FOXJ3: variants seen among roughly 807,000 people sequenced by gnomAD.
FOXJ3 encodes forkhead box protein J3.
In FOXJ3, 22 loss-of-function variants were observed where a neutral mutation model predicts 76.1. The observed-to-expected ratio is 0.29, with a 90% confidence interval of 0.21 to 0.41. The LOEUF is 0.41. Ranked by LOEUF, FOXJ3 falls within the 10% of genes least tolerant of loss-of-function variation. The pLI, the probability that FOXJ3 is intolerant of heterozygous loss-of-function variation, is 1.00. For missense variants in FOXJ3, 613 were observed against 762.1 expected (o/e 0.80, Z 2.30); for synonymous variants, 269 against 261.2 (o/e 1.03, Z -0.29).
intron 2 of FOXJ3, among the ~76,000 whole-genome samples, chr1:42,305,634 C>T (rs1202045079): frequency 6.6e-6 from 1 of 152,026 alleles, no homozygotes; most frequent in Non-Finnish European, 1.5e-5. Context: ...AACTGCATGT[C>T]CTCACTTATT....
chr1:42,190,101 G>C (rs993469296), intron 9 of FOXJ3, among the ~76,000 whole-genome samples: 1 of 152,220 alleles, frequency 6.6e-6, no homozygotes, highest in East Asian at 1.9e-4. Context: ...TATGACATCA[G>C]AAGAGTTTAA....
intron 5 of FOXJ3, among the ~76,000 whole-genome samples, chr1:42,223,900 T>C (rs771447944): frequency 3.3e-5 from 5 of 152,224 alleles, no homozygotes; most frequent in African/African-American, 9.6e-5. Context: ...GGCAAGACTA[T>C]CTGAGTTCAA....
At chr1:42,213,502 G>A (rs1415759048) in intron 5 of FOXJ3, among the ~76,000 whole-genome samples, 1 of 147,810 alleles carries the variant, frequency 6.8e-6, no homozygotes, top group Admixed American at 6.7e-5. Flanking sequence ...ATTATATAAT[G>A]ATAAAAGGAC....
At chr1:42,321,517 T>TCTAG in intron 1 of FOXJ3, among the ~76,000 whole-genome samples, 1 of 152,222 alleles carries the variant, frequency 6.6e-6, no homozygotes, top group African/African-American at 2.4e-5. Context: ...TCCAGCTGAC[T>TCTAG]CTAGAAAGGT....
intron 7 of FOXJ3, among the ~76,000 whole-genome samples, chr1:42,195,580 A>G (rs1646635440): frequency 6.6e-6 from 1 of 152,256 alleles, no homozygotes. Flanking sequence ...TTTCCAGGGA[A>G]AACTTATCTT....
At chr1:42,203,451 C>T (rs567892736) in intron 6 of FOXJ3, among the ~76,000 whole-genome samples, 1 of 152,282 alleles carries the variant, frequency 6.6e-6, no homozygotes, top group South Asian at 2.1e-4. Flanking sequence ...TAGCATACCA[C>T]TCTAGTAACT....
intron 4 of FOXJ3, among the ~76,000 whole-genome samples, chr1:42,250,636 G>C (rs1278843674): frequency 1.3e-5 from 2 of 152,010 alleles, no homozygotes; most frequent in East Asian, 3.8e-4. Context: ...GGCCAACATG[G>C]AGAAACCCCG....
intron 2 of FOXJ3, among the ~76,000 whole-genome samples, chr1:42,293,474 A>G (rs1653575533): frequency 6.6e-6 from 1 of 152,128 alleles, no homozygotes; most frequent in Admixed American, 6.5e-5. Context: ...ACTATTCCAA[A>G]CCCACTAAAA....
intron 4 of FOXJ3, among the ~76,000 whole-genome samples, chr1:42,231,812 T>C (rs1265485234): frequency 1.3e-5 from 2 of 152,096 alleles, no homozygotes; most frequent in African/African-American, 4.8e-5. Flanking sequence ...GTTTTTGTTT[T>C]GTTTTATACT....
Position 42,182,947 on chromosome 1 carries a change from G to A in FOXJ3, c.1646-923C>T, listed in dbSNP as rs60039032. Among the ~76,000 whole-genome samples, 316 of 151,852 alleles carry A rather than the reference G, an allele frequency of 2.1e-3. 2 individuals carry two copies. Among genetic ancestry groups the A allele is most frequent in the African/African-American group, 7.4e-3 (307 of 41,416 alleles). On this transcript the variant is annotated intron_variant, in intron 11 of 12. Coordinates refer to ENST00000361346, the MANE Select transcript of FOXJ3 (RefSeq NM_014947.5). ...AAAGTAACAATAAAGATCTGCACATGGTAAAAGAGCTACAACAAGCAATGA... is the reference window on the plus strand; with the variant it reads ...AAAGTAACAATAAAGATCTGCACATAGTAAAAGAGCTACAACAAGCAATGA...
In FOXJ3 at chr1:42,190,749, G is replaced by A. The variant is rs866259217; in HGVS notation, c.1351+554C>T. On this transcript the variant is annotated intron_variant, in intron 9 of 12. Coordinates refer to ENST00000361346, the MANE Select transcript of FOXJ3 (RefSeq NM_014947.5). Reference sequence around the variant, plus strand: ...ATGACTAATTTGTTGTTGTTGTTGTGGGTAAGAGGAAGAGGAGGCTCCTTT... The same window carrying A: ...ATGACTAATTTGTTGTTGTTGTTGTAGGTAAGAGGAAGAGGAGGCTCCTTT... 2.0e-5 allele frequency among the ~76,000 whole-genome samples: 3 copies of A among 152,308 alleles called. No homozygotes were observed. In the South Asian group the frequency reaches 6.2e-4, roughly 32 times the overall value.
intron 4 of FOXJ3, among the ~76,000 whole-genome samples, chr1:42,249,730 A>AAG (rs1649862951): frequency 6.6e-6 from 1 of 152,342 alleles, no homozygotes; most frequent in East Asian, 1.9e-4. Flanking sequence ...GAAAATGTCA[A>AAG]AGACCTAATC....
chr1:42,307,747 AT>A (rs568251088), intron 2 of FOXJ3, among the ~76,000 whole-genome samples: 10 of 152,276 alleles, frequency 6.6e-5, no homozygotes, highest in East Asian at 3.9e-4. Flanking sequence ...CTTTGCAGCC[AT>A]TTTTTTAAGG....
chr1:42,265,229 C>A, intron 3 of FOXJ3, 40 bp from the exon 4 acceptor site: 2 of 1,093,420 alleles, frequency 1.8e-6, no homozygotes, highest in Non-Finnish European at 1.3e-6. Flanking sequence ...CAATAAAATC[C>A]AAAAAACATA....
intron 2 of FOXJ3, chr1:42,280,192 CTA>C: frequency 2.8e-6 from 1 of 358,842 alleles, no homozygotes; most frequent in Non-Finnish European, 3.9e-6. Flanking sequence ...TAATATTAGT[CTA>C]GGAGTATCTT....
In FOXJ3 at chr1:42,219,891, C is replaced by A. The variant is rs1475730319; in HGVS notation, c.528+7992G>T. Among the ~76,000 whole-genome samples, 3 of 152,174 alleles carry A rather than the reference C, an allele frequency of 2.0e-5. No homozygotes were observed. The East Asian group carries it at 5.8e-4, about 29-fold the overall frequency. ...CCATGGTCACAACACTGCATTGCAG[C>A]CTGGGCAACAGGCTGAGACTTTGTC... On this transcript the variant is annotated intron_variant, in intron 5 of 12. Transcript: ENST00000361346.
At chr1:42,294,800 AGAATG>A (rs1196881434) in intron 2 of FOXJ3, among the ~76,000 whole-genome samples, 2 of 149,726 alleles carry the variant, frequency 1.3e-5, no homozygotes, top group East Asian at 4.0e-4. Flanking sequence ...CTTGAGGGAT[AGAATG>A]GCTATGTGTA....
At chr1:42,234,595 T>C (rs1648437746) in intron 4 of FOXJ3, among the ~76,000 whole-genome samples, 1 of 152,190 alleles carries the variant, frequency 6.6e-6, no homozygotes, top group Admixed American at 6.5e-5. Context: ...ATGTCCTTTC[T>C]GTTTGTTAGT....
rs1296318097 is a variant in FOXJ3, at chr1:42,191,728, A to G, written c.935-9T>C. Reference sequence around the variant, plus strand: ...AGGGATGTTCATCAAACCTAAAAACAAAGCAAGATCATTTATGGTCAGATT... The same window carrying G: ...AGGGATGTTCATCAAACCTAAAAACGAAGCAAGATCATTTATGGTCAGATT... On this transcript the variant is annotated splice_polypyrimidine_tract_variant and intron_variant, in intron 8 of 12. Coordinates refer to ENST00000361346, the MANE Select transcript of FOXJ3 (RefSeq NM_014947.5). The G allele has an allele frequency of 1.9e-6, 3 of 1,604,074 alleles. No individual in the cohort carries two copies. In the Admixed American group the frequency reaches 5.0e-5, roughly 27 times the overall value.
Sources: gnomAD v4.1 joint callset for allele counts (sites outside exome capture counted in the v4.1 genomes callset) on GRCh38, gnomAD v4.1.1 for gene constraint, MANE v1.5 for transcripts, NCBI Gene and HGNC (gene_info 2026-07-23, HGNC 2026-07-21) for gene names.